PRKCH: variants seen among roughly 807,000 people sequenced by gnomAD.
PRKCH encodes the protein protein kinase C eta.
In PRKCH, 28 loss-of-function variants were observed where a neutral mutation model predicts 82.5. The observed-to-expected ratio is 0.34, with a 90% confidence interval of 0.25 to 0.47. The LOEUF is 0.47. Ranked by LOEUF, PRKCH falls within the 20% of genes least tolerant of loss-of-function variation. The pLI, the probability that PRKCH is intolerant of heterozygous loss-of-function variation, is 1.00. For missense variants in PRKCH, 705 were observed against 881.8 expected, an observed-to-expected ratio of 0.80 and a Z score of 2.54; for synonymous variants, 322 against 327.4, an observed-to-expected ratio of 0.98 and a Z score of 0.18.
rs927757616 is a variant in PRKCH at position 61,506,379 on chromosome 14, G to A, written c.1433+20723G>A. 1.1e-4 allele frequency among the ~76,000 whole-genome samples: 17 copies of A among 152,228 alleles called. 1 individual carries two copies. Among genetic ancestry groups the A allele is most frequent in the Admixed American group, 7.8e-4 (12 of 15,302 alleles). ...GCAGGCCTCACATCAGTGGGGTTGT[G>A]AGTCCCAGCTCTGATTGAAGTCAGG... On this transcript the variant is annotated intron_variant, in intron 10 of 13. Transcript: ENST00000332981.
chr14:61,381,009 C>T (rs1041789417), intron 1 of PRKCH, among the ~76,000 whole-genome samples: 3 of 152,056 alleles, frequency 2.0e-5, no homozygotes, highest in South Asian at 2.1e-4. Flanking sequence ...AGAAATATTG[C>T]GAGCCATAAG....
At chr14:61,513,217 A>G (rs1341048935) in intron 10 of PRKCH, among the ~76,000 whole-genome samples, 2 of 152,190 alleles carry the variant, frequency 1.3e-5, no homozygotes, top group Non-Finnish European at 2.9e-5. Flanking sequence ...GAATAAAGGG[A>G]ATGCAACCAA....
At chr14:61,484,360 T>A (rs1382637600) in intron 9 of PRKCH, among the ~76,000 whole-genome samples, 1 of 149,508 alleles carries the variant, frequency 6.7e-6, no homozygotes, top group Non-Finnish European at 1.5e-5. Flanking sequence ...AGAGGCTGTG[T>A]CTGCTCTACT....
chr14:61,420,179 G>C (rs1197797453), intron 2 of PRKCH, among the ~76,000 whole-genome samples: 1 of 152,144 alleles, frequency 6.6e-6, no homozygotes, highest in Non-Finnish European at 1.5e-5. Flanking sequence ...GTGTGCCTCT[G>C]TACGTGTGTG....
intron 1 of PRKCH, among the ~76,000 whole-genome samples, chr14:61,307,652 C>G (rs537082803): frequency 1.3e-5 from 2 of 152,258 alleles, no homozygotes; most frequent in South Asian, 4.1e-4. Flanking sequence ...ACCCATTTTT[C>G]CTGTGTTCGT....
intron 1 of PRKCH, among the ~76,000 whole-genome samples, chr14:61,353,150 G>A (rs763824015): frequency 1.3e-5 from 2 of 152,168 alleles, no homozygotes; most frequent in Non-Finnish European, 2.9e-5. Context: ...ATAAGAGATC[G>A]TGGTGGACCT....
At chr14:61,527,403 C>A (rs2042981193) in intron 10 of PRKCH, among the ~76,000 whole-genome samples, 2 of 152,188 alleles carry the variant, frequency 1.3e-5, no homozygotes, top group African/African-American at 4.8e-5. Context: ...ATCATTTCTG[C>A]TGCTTCTCTC....
At chr14:61,294,643 A>C (rs919649350) in intron 1 of PRKCH, among the ~76,000 whole-genome samples, 12 of 152,098 alleles carry the variant, frequency 7.9e-5, no homozygotes. Flanking sequence ...ATATTGTTGC[A>C]GACCTATTTA....
At chr14:61,354,147 AG>A (rs1391355487) in intron 1 of PRKCH, among the ~76,000 whole-genome samples, 1 of 152,212 alleles carries the variant, frequency 6.6e-6, no homozygotes, top group Non-Finnish European at 1.5e-5. Flanking sequence ...GCTTCCAAAC[AG>A]AAGATACTTG....
At chr14:61,278,368 G>A (rs901782834) in intron 1 of PRKCH, 50 of 152,102 alleles carry the variant, frequency 3.3e-4, no homozygotes, top group African/African-American at 1.2e-3. Flanking sequence ...AAGTATTTTT[G>A]GTATATGTAA....
chr14:61,280,329 G>T lies in PRKCH; in HGVS notation c.-19+92661G>T. The T allele has an allele frequency of 6.2e-7, 1 of 1,613,932 alleles. No individual in the cohort carries two copies. The highest frequency in any genetic ancestry group is 8.5e-7 in the Non-Finnish European group (1 of 1,179,944). ...CGCCCCGCGGCAGCCCGGCCGAGTA[G>T]TTGCCCTGGCGGATGCGCGCGTACA... On this transcript the variant is annotated intron_variant, in intron 1 of 3. Transcript: ENST00000555185. This position sits in a 1 kb window ranked among gnomAD's most constrained non-coding sequence, Gnocchi z 5.0.
intron 12 of PRKCH, among the ~76,000 whole-genome samples, chr14:61,539,754 GAA>G (rs1296527351): frequency 6.6e-6 from 1 of 151,764 alleles, no homozygotes; most frequent in African/African-American, 2.4e-5. Context: ...ATAGAAGAAA[GAA>G]AAGAGTCCCT....
intron 1 of PRKCH, among the ~76,000 whole-genome samples, chr14:61,223,859 A>T (rs984642904): frequency 6.6e-6 from 1 of 152,162 alleles, no homozygotes; most frequent in African/African-American, 2.4e-5. Flanking sequence ...GAGGGACTTC[A>T]TTTGCAACTG....
At chr14:61,299,034 T>C (rs1375960171) in intron 1 of PRKCH, among the ~76,000 whole-genome samples, 1 of 152,202 alleles carries the variant, frequency 6.6e-6, no homozygotes, top group African/African-American at 2.4e-5. Flanking sequence ...CTGGTGTCAC[T>C]TCTCCCTTGA....
At chr14:61,244,321 C>T (rs1049405145) in intron 1 of PRKCH, among the ~76,000 whole-genome samples, 10 of 152,052 alleles carry the variant, frequency 6.6e-5, no homozygotes, top group Admixed American at 6.6e-5. Context: ...CACTGTCATG[C>T]CGATTAACTG....
chr14:61,214,389 T>C (rs1025688007), intron 1 of PRKCH, among the ~76,000 whole-genome samples: 1 of 152,168 alleles, frequency 6.6e-6, no homozygotes, highest in Admixed American at 6.5e-5. Flanking sequence ...CCAGTCTATG[T>C]CTGTCATTCT....
Position 61,458,465 on chromosome 14 carries a change from C to T in PRKCH, c.1278+786C>T, listed in dbSNP as rs147089777. The stretch of plus-strand genomic sequence containing the variant: ...TGCAGCCCTAGATGCCACACCTTGG[C>T]ATGATAGCATCCAAAGCAGAAAGCA... On this transcript the variant is annotated intron_variant, in intron 9 of 13. Coordinates refer to ENST00000332981, the MANE Select transcript of PRKCH (RefSeq NM_006255.5). Among the ~76,000 whole-genome samples the T allele has an allele frequency of 7.0e-4, 107 of 152,220 alleles. 1 individual carries two copies. In the East Asian group the frequency reaches 0.016, roughly 23 times the overall value.
chr14:61,360,224 G>A (rs1158605916), intron 1 of PRKCH, among the ~76,000 whole-genome samples: 1 of 152,226 alleles, frequency 6.6e-6, no homozygotes, highest in Non-Finnish European at 1.5e-5. Context: ...ACTCGAAGAG[G>A]TTGGGTGCAG....
At chr14:61,398,004 C>T (rs1294706071) in intron 2 of PRKCH, among the ~76,000 whole-genome samples, 6 of 152,180 alleles carry the variant, frequency 3.9e-5, no homozygotes, top group African/African-American at 1.4e-4. Context: ...TCAGAAACCC[C>T]TCACCACTGT....
Sources: gnomAD v4.1 joint callset for allele counts (sites outside exome capture counted in the v4.1 genomes callset) on GRCh38, gnomAD v4.1.1 for gene constraint, Gnocchi (gnomAD v3.1) non-coding constraint, MANE v1.5 for transcripts, NCBI Gene and HGNC (gene_info 2026-07-23, HGNC 2026-07-21) for gene names.